Variants in RP1 observed in about 807,000 individuals in gnomAD.
RP1 encodes the protein oxygen-regulated protein 1.
A neutral mutation model predicts 14.8 loss-of-function variants in RP1; 16 were observed. The ratio of observed to expected loss-of-function variants is 1.08; its 90% CI spans 0.73 to 1.65. RP1 has a LOEUF of 1.65. RP1 is among the 40% of genes most tolerant of loss of function. The probability of loss-of-function intolerance (pLI) is 0.00; values close to 1 mark genes in which losing one functional copy is unlikely to be tolerated. For missense variants in RP1, 2,631 were observed against 2,535.0 expected (o/e 1.04, Z -0.81); for synonymous variants, 876 against 883.6 (o/e 0.99, Z 0.15).
exon 25 of RP1, chr8:54,837,543 C>T: frequency 8.1e-7 from 1 of 1,231,674 alleles, no homozygotes. Context: ...AGAAGTTAGA[C>T]TTGAAAATAT....
intron 25 of RP1, among the ~76,000 whole-genome samples, chr8:54,842,137 G>A (rs1498175): frequency 0.3 from 45,266 of 151,984 alleles, 7,012 homozygotes; most frequent in South Asian, 0.37. Flanking sequence ...CTTTATCACA[G>A]TACTCGTCAA....
rs749251007 is a variant in RP1 at position 54,628,994 on chromosome 8, T to C, written c.5112T>C (p.Cys1704=). 1 of 1,614,040 alleles carries C rather than the reference T, an allele frequency of 6.2e-7. No individual in the cohort carries two copies. Among genetic ancestry groups the C allele is most frequent in the Non-Finnish European group, 8.5e-7 (1 of 1,179,962 alleles). The change falls in exon 4 of 4, where the codon TGT becomes TGC. Residue 1704 remains cysteine (C), a synonymous_variant. Coordinates refer to ENST00000220676, the MANE Select transcript of RP1 (RefSeq NM_006269.2). The part of the protein sequence containing the change: ...QEFQEERQDK[C]DVSAVRDNYC... ...TCCAGGAGGAAAGACAAGATAAGTG[T>C]GATGTTAGTGCTGTGAGGGACAATT...
At position 54,776,651 on chromosome 8, in the gene RP1, C is replaced by T. The variant is rs763577371; in HGVS notation, c.3451+6484C>T. ...GTGGGTGATTAAAGAGGCAATAGGA[C>T]GTGGAAGAGGTTTGGCAGCAAGTAT... On this transcript the variant is annotated intron_variant, in intron 23 of 28. Transcript: ENST00000637698. 1.1e-4 allele frequency among the ~76,000 whole-genome samples: 17 copies of T among 152,084 alleles called. 1 individual carries two copies. The highest frequency in any genetic ancestry group is 2.2e-4 in the Non-Finnish European group (15 of 68,044).
chr8:54,725,431 T>C (rs764249232), intron 16 of RP1, among the ~76,000 whole-genome samples: 1 of 152,158 alleles, frequency 6.6e-6, no homozygotes, highest in Admixed American at 6.6e-5. Flanking sequence ...TTATAACACC[T>C]GAAGGATATA....
chr8:54,614,577 C>G (rs1180626447), upstream of RP1, among the ~76,000 whole-genome samples: 1 of 152,166 alleles, frequency 6.6e-6, no homozygotes, highest in Non-Finnish European at 1.5e-5. Flanking sequence ...CAAGTGATAC[C>G]AGGGAGAGGG....
intron 22 of RP1, among the ~76,000 whole-genome samples, chr8:54,767,845 C>T (rs1006353526): frequency 6.6e-6 from 1 of 152,136 alleles, no homozygotes; most frequent in South Asian, 2.1e-4. Context: ...TGTTATTAGG[C>T]TCCAGAGGAG....
intron 26 of RP1, among the ~76,000 whole-genome samples, chr8:54,853,151 T>G (rs759243441): frequency 1.4e-4 from 22 of 152,146 alleles, no homozygotes; most frequent in Admixed American, 5.9e-4. Flanking sequence ...AAGCTTGGAA[T>G]CAAGAAGCCA....
chr8:54,830,024 T>C (rs1811480756), intron 24 of RP1, among the ~76,000 whole-genome samples: 1 of 152,190 alleles, frequency 6.6e-6, no homozygotes, highest in Non-Finnish European at 1.5e-5. Context: ...TTGGATATAA[T>C]GTACTCTGAA....
intron 22 of RP1, among the ~76,000 whole-genome samples, chr8:54,762,785 G>C (rs1347121125): frequency 6.6e-6 from 1 of 152,168 alleles, no homozygotes; most frequent in Non-Finnish European, 1.5e-5. Context: ...CGGAAGGCCT[G>C]GGAAACAGTC....
chr8:54,633,294 G>C (rs1198357976), downstream of RP1, among the ~76,000 whole-genome samples: 3 of 152,114 alleles, frequency 2.0e-5, no homozygotes, highest in Admixed American at 2.0e-4. Flanking sequence ...TCCAAGGAAA[G>C]CCCAATTTGG....
At chr8:54,803,220 G>A (rs563872865) in intron 24 of RP1, among the ~76,000 whole-genome samples, 1 of 151,940 alleles carries the variant, frequency 6.6e-6, no homozygotes, top group Non-Finnish European at 1.5e-5. Flanking sequence ...AGCTACTTTT[G>A]GAGTCCATGT....
chr8:54,845,456 C>T (rs1393031503), intron 25 of RP1, among the ~76,000 whole-genome samples: 2 of 152,038 alleles, frequency 1.3e-5, no homozygotes, highest in South Asian at 2.1e-4. Context: ...CCTAGGAACA[C>T]GGGAGTTAGG....
At chr8:54,615,304 T>C (rs763114972), upstream of RP1, among the ~76,000 whole-genome samples, 4 of 152,184 alleles carry the variant, frequency 2.6e-5, no homozygotes, top group East Asian at 3.8e-4. Flanking sequence ...GAGACAACAT[T>C]GTGGCGCACA....
intron 1 of RP1, among the ~76,000 whole-genome samples, chr8:54,568,150 G>GA (rs1464486525): frequency 2.0e-5 from 3 of 152,074 alleles, no homozygotes. Flanking sequence ...GAAAAGGGGA[G>GA]AAAAAGGGGA....
Position 54,628,043 on chromosome 8 carries a change from G to C in RP1, c.4161G>C (p.Leu1387Phe). ...AATATAAAAATGGATTTAATACATT[G>C]GTGTCACATCAAAATGTCAGTAATT... ...DPEYKNGFNTLVSHQNVSNLS... is the reference protein window; with the variant it reads ...DPEYKNGFNTFVSHQNVSNLS... Residue 1387 changes from leucine (L) to phenylalanine (F), a missense_variant, in exon 4 of 4, where the codon TTG (leucine) becomes TTC (phenylalanine). Coordinates refer to ENST00000220676, the MANE Select transcript of RP1 (RefSeq NM_006269.2). 6.2e-7 allele frequency: 1 copy of C among 1,613,942 alleles called. No individual in the cohort carries two copies. The highest frequency in any genetic ancestry group is 8.5e-7 in the Non-Finnish European group (1 of 1,179,932).
intron 24 of RP1, among the ~76,000 whole-genome samples, chr8:54,826,327 C>G (rs950802013): frequency 6.6e-6 from 1 of 152,306 alleles, no homozygotes; most frequent in Non-Finnish European, 1.5e-5. Context: ...CTGTGCCCCC[C>G]ACATTGTCTG....
chr8:54,621,104 C>G lies in RP1; in HGVS notation c.138C>G (p.Pro46=). The part of the protein sequence containing the change: ...KRISFYKSGD[P]QFGGVRVVVN... The stretch of plus-strand genomic sequence containing the variant: ...TCAGTTTCTACAAGAGCGGAGACCC[C>G]CAATTCGGCGGGGTCAGGGTGGTGG... Residue 46 remains proline, a synonymous_variant, in exon 2 of 4, where the codon CCC becomes CCG. Transcript: ENST00000220676. 6.2e-7 allele frequency: 1 copy of G among 1,614,164 alleles called. No homozygotes were observed.
chr8:54,769,677 C>A, intron 22 of RP1: 1 of 1,123,276 alleles, frequency 8.9e-7, no homozygotes, highest in South Asian at 1.5e-5. Flanking sequence ...TTGAGAAAAT[C>A]AGAAATTAAT....
intron 16 of RP1, among the ~76,000 whole-genome samples, chr8:54,720,466 C>G (rs1808508528): frequency 6.6e-6 from 1 of 152,138 alleles, no homozygotes; most frequent in Non-Finnish European, 1.5e-5. Flanking sequence ...ATAATGAAGA[C>G]CAGTTGCCTC....
Sources: gnomAD v4.1 joint callset for allele counts (sites outside exome capture counted in the v4.1 genomes callset) on GRCh38, gnomAD v4.1.1 for gene constraint, MANE v1.5 for transcripts, NCBI Gene and HGNC (gene_info 2026-07-23, HGNC 2026-07-21) for gene names.